FCN2: variants seen among roughly 807,000 people sequenced by gnomAD.
The protein encoded by FCN2 is ficolin 2, also known as ficolin-2.
Under a neutral mutation model 32.5 loss-of-function variants are expected in FCN2, and 31 were observed. That is an observed-to-expected ratio of 0.96 (90% CI 0.72 to 1.29). FCN2 has a LOEUF of 1.29. FCN2 is among the 50% of genes most tolerant of loss of function. The probability of loss-of-function intolerance (pLI) is 0.00; values close to 1 mark genes in which losing one functional copy is unlikely to be tolerated. For missense variants in FCN2, 412 were observed against 406.5 expected (o/e 1.01, Z -0.12); for synonymous variants, 181 against 164.5 (o/e 1.10, Z -0.77).
intron 1 of FCN2, among the ~76,000 whole-genome samples, chr9:134,882,144 G>A (rs1355634881): frequency 6.6e-6 from 1 of 152,234 alleles, no homozygotes; most frequent in Non-Finnish European, 1.5e-5. Context: ...TAAATGGTAG[G>A]AGCTGAAATG....
In FCN2 at chr9:134,885,237, A is replaced by G; in HGVS notation, c.302-2A>G. 2 of 1,613,958 alleles carry G rather than the reference A, an allele frequency of 1.2e-6. No homozygotes were observed. Among genetic ancestry groups the G allele is most frequent in the Non-Finnish European group, 1.7e-6 (2 of 1,179,968 alleles). On this transcript the variant is annotated splice_acceptor_variant, in intron 4 of 7. Transcript: ENST00000291744. LOFTEE classifies it high-confidence loss of function. ...CAGCCATTCCCCGGGTTCCCTTCCC[A>G]GGCCCGCGTACCTGCAAGGACCTGC...
rs902274279 is a variant in FCN2 at position 134,884,903 on chromosome 9, C to T, written c.301+131C>T. ...AAGAAAATGGTTGCTTGCCCGTTTC[C>T]TTGTCCCCTAATTATTCAAGGAAGT... On this transcript the variant is annotated intron_variant, in intron 4 of 7. Coordinates refer to ENST00000291744, the MANE Select transcript of FCN2 (RefSeq NM_004108.3). 9 of 874,252 alleles carry T rather than the reference C, an allele frequency of 1.0e-5. No homozygotes were observed. In the Admixed American group the frequency reaches 1.2e-4, roughly 12 times the overall value. The allele number at this position is 874,252 out of a possible 1,614,324, so 54.2% of individuals were successfully genotyped here. A position where few individuals can be genotyped will look rare whatever the true frequency, so the allele number is the denominator to read the frequency against.
chr9:134,887,424 G>A lies in FCN2; in HGVS notation c.*9G>A, dbSNP rs375228443. The A allele has an allele frequency of 2.6e-5, 42 of 1,613,818 alleles. No homozygotes were observed. Among genetic ancestry groups the A allele is most frequent in the South Asian group, 1.2e-4 (11 of 91,054 alleles). On this transcript the variant is annotated 3_prime_UTR_variant, in exon 8 of 8. Transcript: ENST00000291744. ...AGGTGCGACCTGCCTAGCCCAGGCC[G>A]GCCTCAGGGTCAGGACGCCTCCACA...
rs148183329 is a variant in FCN2 at position 134,880,882 on chromosome 9, G to C, written c.61G>C (p.Gly21Arg). 1.2e-6 allele frequency: 2 copies of C among 1,613,520 alleles called. No individual in the cohort carries two copies. The highest frequency in any genetic ancestry group is 1.3e-5 in the African/African-American group (1 of 74,914). ...TGCCACCCTGCTGCTCTCTTTCCTGGGCATGGCCTGGGCTCTCCAGGCGGC... is the reference window on the plus strand; with the variant it reads ...TGCCACCCTGCTGCTCTCTTTCCTGCGCATGGCCTGGGCTCTCCAGGCGGC... ...GAATLLLSFL[G>R]MAWALQAADT... is the part of the protein sequence containing the mutation. Residue 21 changes from glycine (G) to arginine (R), a missense_variant, in exon 1 of 8, where the codon GGC becomes CGC. Coordinates refer to ENST00000291744, the MANE Select transcript of FCN2 (RefSeq NM_004108.3).
upstream of FCN2, among the ~76,000 whole-genome samples, chr9:134,878,925 A>G (rs1830627677): frequency 6.6e-6 from 1 of 152,250 alleles, no homozygotes; most frequent in African/African-American, 2.4e-5. Flanking sequence ...TCTATCTTTT[A>G]ATAACCACCT....
In FCN2 at chr9:134,880,895, C is replaced by T. The variant is rs775299584; in HGVS notation, c.74C>T (p.Ala25Val). ...LLLSFLGMAWALQAADTCPEV... is the reference protein window; with the variant it reads ...LLLSFLGMAWVLQAADTCPEV... ...CTCTCTTTCCTGGGCATGGCCTGGG[C>T]TCTCCAGGCGGCAGACACCTGTCCA... is the stretch of plus-strand genomic sequence containing the variant. Residue 25 changes from alanine (A) to valine (V), a missense_variant, in exon 1 of 8, where the codon GCT (alanine) becomes GTT (valine). By Grantham distance (64) the Ala-to-Val change is moderately conservative. Coordinates refer to ENST00000291744, the MANE Select transcript of FCN2 (RefSeq NM_004108.3). The T allele has an allele frequency of 6.2e-7, 1 of 1,613,172 alleles. No homozygotes were observed. Among genetic ancestry groups the T allele is most frequent in the Admixed American group, 1.7e-5 (1 of 60,016 alleles).
the FCN2 span, among the ~76,000 whole-genome samples, chr9:134,868,810 G>A: frequency 6.6e-6 from 1 of 152,250 alleles, no homozygotes; most frequent in African/African-American, 2.4e-5. The surrounding 1 kb of genome is among the most constrained non-coding windows in gnomAD (Gnocchi z 4.3). Flanking sequence ...ATCCGTCCTT[G>A]CTTCCCTGTG....
upstream of FCN2, among the ~76,000 whole-genome samples, chr9:134,878,853 A>G (rs543971788): frequency 1.3e-5 from 2 of 152,202 alleles, no homozygotes; most frequent in Admixed American, 1.3e-4. Context: ...CAAAAAAAAA[A>G]GTGTACTTTA....
rs1228685924 is a variant in FCN2, at chr9:134,882,591, C to T, written c.166C>T (p.Pro56Ser). ...LTILRGCPGL[P>S]GAPGPKGEAG... ...CATTCTCCGAGGCTGTCCGGGGCTG[C>T]CTGGGGCCCCTGGGCCCAAGGGAGA... Residue 56 changes from proline (P) to serine (S), a missense_variant, in exon 2 of 8, where the codon CCT (proline) becomes TCT (serine). Pro to Ser is a moderately conservative substitution (Grantham distance 74, BLOSUM62 -1). Transcript: ENST00000291744. 3.1e-6 allele frequency: 5 copies of T among 1,613,986 alleles called. No homozygotes were observed. The highest frequency in any genetic ancestry group is 4.2e-6 in the Non-Finnish European group (5 of 1,180,016).
upstream of FCN2, among the ~76,000 whole-genome samples, chr9:134,877,260 A>T (rs1280531705): frequency 6.6e-6 from 1 of 152,168 alleles, no homozygotes; most frequent in African/African-American, 2.4e-5. Context: ...CTTCCTTTTT[A>T]GTGAACATTT....
chr9:134,872,577 A>T, the FCN2 span, among the ~76,000 whole-genome samples: 1 of 152,210 alleles, frequency 6.6e-6, no homozygotes, highest in African/African-American at 2.4e-5. Flanking sequence ...AGGCCTCACC[A>T]TCATCGCAGA....
chr9:134,865,988 A>G, the FCN2 span, among the ~76,000 whole-genome samples: 1 of 151,652 alleles, frequency 6.6e-6, no homozygotes, highest in African/African-American at 2.4e-5. Context: ...GAAATAAAAG[A>G]GGATACAAAC....
Position 134,886,582 on chromosome 9 carries a change from G to C in FCN2, c.694+18G>C, listed in dbSNP as rs761871732. The C allele has an allele frequency of 3.1e-6, 5 of 1,613,470 alleles. No homozygotes were observed. The East Asian group carries it at 1.1e-4, about 36-fold the overall frequency. Reference sequence around the variant, plus strand: ...CAGTGCGGGTGAGTGTCTGCTTGGGGCTGTGTGGCCTGGGCTTCTGAGGGG... The same window carrying C: ...CAGTGCGGGTGAGTGTCTGCTTGGGCCTGTGTGGCCTGGGCTTCTGAGGGG... On this transcript the variant is annotated intron_variant, in intron 7 of 7. Transcript: ENST00000291744.
upstream of FCN2, among the ~76,000 whole-genome samples, chr9:134,876,777 C>T (rs949736935): frequency 6.6e-6 from 1 of 152,120 alleles, no homozygotes; most frequent in African/African-American, 2.4e-5. Context: ...GGGGTTTTGC[C>T]ACGTTGGCCA....
the FCN2 span, among the ~76,000 whole-genome samples, chr9:134,875,116 T>C: frequency 6.6e-6 from 1 of 152,256 alleles, no homozygotes; most frequent in African/African-American, 2.4e-5. Flanking sequence ...TACAGAATCA[T>C]GTCATGTGTT....
the FCN2 span, among the ~76,000 whole-genome samples, chr9:134,868,706 C>T: frequency 2.6e-5 from 4 of 152,224 alleles, no homozygotes; most frequent in African/African-American, 4.8e-5. This position sits in a 1 kb window ranked among gnomAD's most constrained non-coding sequence, Gnocchi z 4.3. Context: ...CCTCCCTCAC[C>T]GCAGCCATCA....
chr9:134,877,451 A>T (rs1400320133), upstream of FCN2, among the ~76,000 whole-genome samples: 1 of 152,184 alleles, frequency 6.6e-6, no homozygotes, highest in Non-Finnish European at 1.5e-5. Flanking sequence ...GATTTTCTAG[A>T]CACCTTTCTT....
At chr9:134,865,240 G>A in the FCN2 span, among the ~76,000 whole-genome samples, 1 of 152,220 alleles carries the variant, frequency 6.6e-6, no homozygotes, top group Non-Finnish European at 1.5e-5. Context: ...GGCTTCTGGG[G>A]GCACTCAGGT....
At chr9:134,877,760 C>T (rs916598226), upstream of FCN2, among the ~76,000 whole-genome samples, 3 of 152,152 alleles carry the variant, frequency 2.0e-5, no homozygotes, top group Non-Finnish European at 4.4e-5. Flanking sequence ...CCTAGAACAG[C>T]CGGCACCCTG....
Sources: gnomAD v4.1 joint callset for allele counts (sites outside exome capture counted in the v4.1 genomes callset) on GRCh38, gnomAD v4.1.1 for gene constraint, Gnocchi (gnomAD v3.1) non-coding constraint, MANE v1.5 for transcripts, NCBI Gene and HGNC (gene_info 2026-07-23, HGNC 2026-07-21) for gene names.